The following CDKAL1 variants were observed in gnomAD, a reference collection of about 807,000 sequenced individuals.
CDKAL1 encodes threonylcarbamoyladenosine tRNA methylthiotransferase.
Under a neutral mutation model 68.2 loss-of-function variants are expected in CDKAL1, and 32 were observed. The observed-to-expected ratio is 0.47, with a 90% CI of 0.35 to 0.63. The LOEUF (loss-of-function observed/expected upper bound fraction) is 0.63, where lower values mean the gene tolerates loss of function less well. Ranked by LOEUF, CDKAL1 falls within the 30% of genes least tolerant of loss-of-function variation. The pLI is 0.00. For synonymous variants in CDKAL1, 234 were observed against 244.3 expected, an observed-to-expected ratio of 0.96 and a Z score of 0.39; for missense variants, 606 against 696.7, an observed-to-expected ratio of 0.87 and a Z score of 1.47.
chr6:21,168,211 A>G (rs1777228754), intron 13 of CDKAL1, among the ~76,000 whole-genome samples: 1 of 152,224 alleles, frequency 6.6e-6, no homozygotes. Context: ...GGCAGTTGAG[A>G]ACCTCAAACA....
intron 4 of CDKAL1, among the ~76,000 whole-genome samples, chr6:20,585,001 A>C (rs1238957446): frequency 7.2e-6 from 1 of 138,098 alleles, no homozygotes; most frequent in Non-Finnish European, 1.6e-5. Flanking sequence ...TCTTTGCTGG[A>C]TCATTCCTAT....
chr6:20,605,103 G>A (rs1238391965), intron 4 of CDKAL1, among the ~76,000 whole-genome samples: 1 of 152,184 alleles, frequency 6.6e-6, no homozygotes, highest in Non-Finnish European at 1.5e-5. Context: ...TGATAACCAA[G>A]GGGAAATTGG....
At chr6:21,067,981 A>T (rs545083564) in intron 12 of CDKAL1, among the ~76,000 whole-genome samples, 127 of 152,176 alleles carry the variant, frequency 8.3e-4, no homozygotes, top group African/African-American at 3.0e-3. Context: ...TTATATGTTT[A>T]TTAGCTATTT....
In CDKAL1 at chr6:20,590,622, C is replaced by T. The variant is rs1765553092; in HGVS notation, c.286+41917C>T. On this transcript the variant is annotated intron_variant, in intron 4 of 15. Transcript: ENST00000274695. ...AACATGCAGTGTTTGGTTTTCTGTT[C>T]GTGTGTTAGTTTGCTGAGAATGATG... Among the ~76,000 whole-genome samples, 5 of 151,944 alleles carry T rather than the reference C, an allele frequency of 3.3e-5. No homozygotes were observed. The South Asian group carries it at 6.2e-4, about 19-fold the overall frequency.
At chr6:20,930,152 C>T (rs1763368531) in intron 9 of CDKAL1, among the ~76,000 whole-genome samples, 1 of 152,006 alleles carries the variant, frequency 6.6e-6, no homozygotes, top group African/African-American at 2.4e-5. Context: ...AAAACGCAGA[C>T]TCAAACCAAA....
intron 10 of CDKAL1, among the ~76,000 whole-genome samples, chr6:20,991,023 G>A (rs1766761955): frequency 6.6e-6 from 1 of 152,216 alleles, no homozygotes; most frequent in Non-Finnish European, 1.5e-5. Context: ...ATATGAGGAT[G>A]TATGGTTTAA....
chr6:21,098,523 C>T (rs1288586355), intron 12 of CDKAL1, among the ~76,000 whole-genome samples: 3 of 137,348 alleles, frequency 2.2e-5, no homozygotes, highest in South Asian at 4.7e-4. Flanking sequence ...TGAGGTTAAA[C>T]GGGTACACAG....
intron 8 of CDKAL1, 125 bp downstream of exon 8, chr6:20,781,390 G>A (rs41272363): frequency 0.084 from 64,460 of 764,952 alleles, 3,294 homozygotes; most frequent in Non-Finnish European, 0.1. Flanking sequence ...ATTACAAAAT[G>A]TGCTCAAATA....
At chr6:20,789,387 G>C (rs1775806904) in intron 8 of CDKAL1, among the ~76,000 whole-genome samples, 1 of 152,192 alleles carries the variant, frequency 6.6e-6, no homozygotes, top group South Asian at 2.1e-4. Flanking sequence ...TTATCCTTAA[G>C]TTGCAGAGCT....
At chr6:21,088,078 G>A (rs1772800131) in intron 12 of CDKAL1, among the ~76,000 whole-genome samples, 1 of 152,182 alleles carries the variant, frequency 6.6e-6, no homozygotes, top group Non-Finnish European at 1.5e-5. Flanking sequence ...TTTTTAGCTT[G>A]AGGGTAGGGT....
chr6:20,584,078 T>C (rs1306851882), intron 4 of CDKAL1, among the ~76,000 whole-genome samples: 4 of 151,268 alleles, frequency 2.6e-5, no homozygotes, highest in Non-Finnish European at 5.9e-5. Flanking sequence ...TTACTACTCA[T>C]ATTTCACATT....
At chr6:20,614,197 T>G (rs1224999710) in intron 4 of CDKAL1, among the ~76,000 whole-genome samples, 1 of 152,186 alleles carries the variant, frequency 6.6e-6, no homozygotes, top group African/African-American at 2.4e-5. Context: ...TTTTTCCCCC[T>G]TTGCTATATT....
intron 15 of CDKAL1, among the ~76,000 whole-genome samples, chr6:21,207,983 A>G (rs977510049): frequency 2.6e-5 from 4 of 152,068 alleles, no homozygotes; most frequent in East Asian, 1.9e-4. Flanking sequence ...GGCCATTCTT[A>G]CGGACAGACA....
At chr6:21,071,522 C>A (rs1444955762) in intron 12 of CDKAL1, among the ~76,000 whole-genome samples, 2 of 152,176 alleles carry the variant, frequency 1.3e-5, no homozygotes, top group African/African-American at 4.8e-5. Flanking sequence ...AAACATATTA[C>A]TTAGTTATCT....
chr6:21,039,783 G>C (rs1461548799), intron 11 of CDKAL1, among the ~76,000 whole-genome samples: 3 of 152,072 alleles, frequency 2.0e-5, no homozygotes, highest in Admixed American at 6.6e-5. Flanking sequence ...AAACATGGGG[G>C]ACTGAGCCAT....
chr6:20,617,521 A>G (rs1031888073), intron 4 of CDKAL1, among the ~76,000 whole-genome samples: 1 of 152,154 alleles, frequency 6.6e-6, no homozygotes, highest in Non-Finnish European at 1.5e-5. Flanking sequence ...GCACCTGTTA[A>G]CTGGTCATTT....
At chr6:20,953,095 T>C (rs1384779794) in intron 9 of CDKAL1, among the ~76,000 whole-genome samples, 1 of 152,236 alleles carries the variant, frequency 6.6e-6, no homozygotes, top group African/African-American at 2.4e-5. Context: ...ACCAGGTTGC[T>C]ATTATATAGA....
At chr6:20,852,984 G>T (rs535984199) in intron 9 of CDKAL1, among the ~76,000 whole-genome samples, 6 of 152,314 alleles carry the variant, frequency 3.9e-5, no homozygotes, top group African/African-American at 1.4e-4. Context: ...TTTAGGCTTT[G>T]TGGGCCATAA....
chr6:20,773,891 CA>C (rs1378667146), intron 7 of CDKAL1, among the ~76,000 whole-genome samples: 2 of 152,054 alleles, frequency 1.3e-5, no homozygotes, highest in Non-Finnish European at 2.9e-5. Context: ...AATTTTCTGC[CA>C]CCCTTCTGCC....
Sources: gnomAD v4.1 joint callset for allele counts (sites outside exome capture counted in the v4.1 genomes callset) on GRCh38, gnomAD v4.1.1 for gene constraint, MANE v1.5 for transcripts, NCBI Gene and HGNC (gene_info 2026-07-23, HGNC 2026-07-21) for gene names.